The following GABRG3 variants were observed in gnomAD, a reference collection of about 807,000 sequenced individuals.
GABRG3 encodes the protein gamma-aminobutyric acid type A receptor subunit gamma3.
A neutral mutation model predicts 48.8 loss-of-function variants in GABRG3; 25 were observed. That is an observed-to-expected ratio of 0.51 (90% CI 0.37 to 0.72). The LOEUF is 0.72. Among genes scored for constraint, GABRG3 ranks in the 30% least tolerant of loss-of-function variants. The probability of loss-of-function intolerance (pLI) is 0.00; values close to 1 mark genes in which losing one functional copy is unlikely to be tolerated. For synonymous variants in GABRG3, 227 were observed against 217.6 expected (o/e 1.04, Z -0.38); for missense variants, 394 against 577.9 (o/e 0.68, Z 3.26).
At chr15:27,426,507 C>G (rs951783731) in intron 5 of GABRG3, among the ~76,000 whole-genome samples, 1 of 152,032 alleles carries the variant, frequency 6.6e-6, no homozygotes, top group Admixed American at 6.6e-5. Context: ...ATAAAAATGA[C>G]AGAAAGAAAA....
At chr15:27,239,665 TG>T (rs1890078059) in intron 3 of GABRG3, among the ~76,000 whole-genome samples, 1 of 152,222 alleles carries the variant, frequency 6.6e-6, no homozygotes, top group African/African-American at 2.4e-5. Context: ...TGTATGTTAT[TG>T]ATAAAAATTT....
chr15:27,153,050 C>T (rs1447391491), intron 3 of GABRG3, among the ~76,000 whole-genome samples: 2 of 151,974 alleles, frequency 1.3e-5, no homozygotes, highest in Non-Finnish European at 1.5e-5. Context: ...TTAGTAGAGA[C>T]GGGGTTTCAC....
At chr15:27,127,905 A>G (rs1367000935) in intron 3 of GABRG3, among the ~76,000 whole-genome samples, 3 of 152,202 alleles carry the variant, frequency 2.0e-5, no homozygotes, top group Non-Finnish European at 4.4e-5. Flanking sequence ...GAGCCTGGAC[A>G]GCTGCTCTGT....
At chr15:26,988,904 A>G (rs1054313459) in intron 2 of GABRG3, among the ~76,000 whole-genome samples, 3 of 152,190 alleles carry the variant, frequency 2.0e-5, no homozygotes, top group African/African-American at 4.8e-5. Context: ...GTGTGAAAAC[A>G]TCTTCATTGA....
At chr15:27,345,114 A>G (rs1022418389) in intron 5 of GABRG3, among the ~76,000 whole-genome samples, 2 of 152,176 alleles carry the variant, frequency 1.3e-5, no homozygotes, top group African/African-American at 2.4e-5. Flanking sequence ...TCTTTAGACA[A>G]CATAGAGTTG....
intron 2 of GABRG3, among the ~76,000 whole-genome samples, chr15:26,981,054 C>T (rs1895044402): frequency 6.6e-6 from 1 of 152,136 alleles, no homozygotes; most frequent in Non-Finnish European, 1.5e-5. Flanking sequence ...GAAACCTGCA[C>T]ATGTACCCCT....
chr15:27,146,113 C>G (rs1332634152), intron 3 of GABRG3, among the ~76,000 whole-genome samples: 1 of 152,064 alleles, frequency 6.6e-6, no homozygotes, highest in Non-Finnish European at 1.5e-5. Flanking sequence ...TAAAGAGGGA[C>G]TATAGGACTT....
At chr15:27,008,625 G>C (rs1895630283) in intron 2 of GABRG3, among the ~76,000 whole-genome samples, 1 of 146,748 alleles carries the variant, frequency 6.8e-6, no homozygotes, top group Non-Finnish European at 1.5e-5. Flanking sequence ...TAAATATCAG[G>C]TGCTGGCAGC....
chr15:27,393,803 G>A (rs1887220143), intron 5 of GABRG3, among the ~76,000 whole-genome samples: 1 of 152,180 alleles, frequency 6.6e-6, no homozygotes, highest in South Asian at 2.1e-4. Context: ...TGGCAAGATG[G>A]AATAGAAAGG....
At chr15:27,095,736 C>T (rs997941125) in intron 3 of GABRG3, among the ~76,000 whole-genome samples, 2 of 152,062 alleles carry the variant, frequency 1.3e-5, no homozygotes, top group South Asian at 4.2e-4. Context: ...GAGGCTGGGA[C>T]TTTAGTGTCC....
intron 2 of GABRG3, among the ~76,000 whole-genome samples, chr15:27,022,817 AC>A (rs901617008): frequency 6.6e-6 from 1 of 152,018 alleles, no homozygotes; most frequent in African/African-American, 2.4e-5. Flanking sequence ...AGCTCTCCTC[AC>A]TGGCTTCTTC....
Position 27,443,466 on chromosome 15 carries a change from T to C in GABRG3, c.575-37184T>C, listed in dbSNP as rs895793351. Among the ~76,000 whole-genome samples the C allele has an allele frequency of 3.3e-5, 5 of 152,260 alleles. No homozygotes were observed. The East Asian group carries it at 9.6e-4, about 29-fold the overall frequency. ...ATGCTTATTACAAGTGGTATTGCAC[T>C]TTAAAATTCATTTTGAATCATATAT... On this transcript the variant is annotated intron_variant, in intron 5 of 9. Transcript: ENST00000615808.
intron 3 of GABRG3, among the ~76,000 whole-genome samples, chr15:27,282,968 T>A (rs922528145): frequency 1.3e-5 from 2 of 152,180 alleles, no homozygotes; most frequent in Non-Finnish European, 2.9e-5. Context: ...CTTGGCTCCC[T>A]CTGACACCTG....
chr15:27,233,303 A>G (rs900894298), intron 3 of GABRG3, among the ~76,000 whole-genome samples: 4 of 152,162 alleles, frequency 2.6e-5, no homozygotes, highest in Admixed American at 6.5e-5. Flanking sequence ...TCTAGCGAGC[A>G]TAAAAAAGTG....
intron 9 of GABRG3, among the ~76,000 whole-genome samples, chr15:27,531,423 T>A (rs779276482): frequency 3.9e-5 from 6 of 152,198 alleles, no homozygotes; most frequent in Non-Finnish European, 7.3e-5. Context: ...TGGAATCGTA[T>A]TTTTGGATGA....
At chr15:27,008,994 G>C (rs1413227725) in intron 2 of GABRG3, among the ~76,000 whole-genome samples, 1 of 152,180 alleles carries the variant, frequency 6.6e-6, no homozygotes, top group Non-Finnish European at 1.5e-5. Flanking sequence ...GACGGGGCGA[G>C]GATGTAGAGC....
chr15:27,047,074 T>C (rs1451647483), intron 3 of GABRG3, among the ~76,000 whole-genome samples: 5 of 152,224 alleles, frequency 3.3e-5, no homozygotes, highest in African/African-American at 1.2e-4. Context: ...CAGCTAGTTG[T>C]TGCATAATTT....
intron 5 of GABRG3, among the ~76,000 whole-genome samples, chr15:27,410,862 G>A (rs1887776356): frequency 6.6e-6 from 1 of 151,474 alleles, no homozygotes; most frequent in East Asian, 1.9e-4. Context: ...GTGTGTGTGT[G>A]TGTGTGTGTG....
At chr15:26,997,329 C>T (rs1444935926) in intron 2 of GABRG3, among the ~76,000 whole-genome samples, 1 of 152,030 alleles carries the variant, frequency 6.6e-6, no homozygotes, top group Non-Finnish European at 1.5e-5. Context: ...CATCTGGGAC[C>T]CCTCAAGAGT....
Sources: allele counts gnomAD v4.1 joint callset (sites outside exome capture counted in the v4.1 genomes callset), GRCh38; gene constraint gnomAD v4.1.1; transcripts MANE v1.5; gene names NCBI Gene and HGNC (gene_info 2026-07-23, HGNC 2026-07-21).